Variants in SUMF1 observed in about 807,000 individuals in gnomAD.
SUMF1 encodes sulfatase modifying factor 1.
A neutral mutation model predicts 47.6 loss-of-function variants in SUMF1; 48 were observed. The ratio of observed to expected loss-of-function variants is 1.01; its 90% CI spans 0.80 to 1.28. The LOEUF (loss-of-function observed/expected upper bound fraction) is 1.28, where lower values mean the gene tolerates loss of function less well. Among genes scored for constraint, SUMF1 ranks in the 50% most tolerant of loss-of-function variants. The pLI is 0.00. For synonymous variants in SUMF1, 230 were observed against 192.1 expected (o/e 1.20, Z -1.63); for missense variants, 571 against 485.4 (o/e 1.18, Z -1.66).
rs1553610090 is a variant in SUMF1 at position 4,217,523 on chromosome 3, T to TATATATATTC, written c.1015-148779_1015-148778insGAATATATAT. Among the ~76,000 whole-genome samples, 3 of 48,594 alleles carry TATATATATTC rather than the reference T, an allele frequency of 6.2e-5. 1 individual carries two copies. Among genetic ancestry groups the TATATATATTC allele is most frequent in the African/African-American group, 2.4e-4 (3 of 12,344 alleles). 31.9% of individuals were successfully genotyped at this position (48,594 alleles called of 152,430 possible). A position where few individuals can be genotyped will look rare whatever the true frequency, so the allele number is the denominator to read the frequency against. ...GAACTTAAAGTATTTTTTATATATA[T>TATATATATTC]ATATATATATATATATGAAGAAAAA... On this transcript the variant is annotated intron_variant and NMD_transcript_variant, in intron 8 of 12. Transcript: ENST00000448413.
chr3:4,200,294 A>T (rs926663304), intron 8 of SUMF1, among the ~76,000 whole-genome samples: 4 of 151,422 alleles, frequency 2.6e-5, no homozygotes, highest in African/African-American at 9.7e-5. Flanking sequence ...TGTCTGTTAC[A>T]GTGTTTCCAG....
chr3:4,294,779 C>A (rs140344864), intron 8 of SUMF1, among the ~76,000 whole-genome samples: 166 of 152,044 alleles, frequency 1.1e-3, no homozygotes, highest in African/African-American at 3.8e-3. Context: ...AAAAACATGA[C>A]ATGGAAACAG....
At chr3:4,158,288 TTTCA>T (rs1268724721) in intron 8 of SUMF1, among the ~76,000 whole-genome samples, 2 of 151,706 alleles carry the variant, frequency 1.3e-5, no homozygotes, top group African/African-American at 4.9e-5. Context: ...TCTAGTTTTA[TTTCA>T]TTGTGTTCAG....
chr3:4,277,090 C>T (rs1030228132), intron 8 of SUMF1, among the ~76,000 whole-genome samples: 12 of 152,084 alleles, frequency 7.9e-5, no homozygotes, highest in African/African-American at 2.2e-4. Context: ...GTCTATTATA[C>T]GCGGAACCTG....
At chr3:4,443,229 G>C (rs984642798) in intron 3 of SUMF1, among the ~76,000 whole-genome samples, 7 of 152,036 alleles carry the variant, frequency 4.6e-5, no homozygotes, top group Non-Finnish European at 7.4e-5. Flanking sequence ...AGTGAGCCAA[G>C]ATTGCACACC....
intron 8 of SUMF1, among the ~76,000 whole-genome samples, chr3:4,110,809 C>G (rs1223578990): frequency 7.9e-6 from 1 of 125,906 alleles, no homozygotes; most frequent in Non-Finnish European, 1.5e-5. Flanking sequence ...CACTTGGACA[C>G]AGGAAGGGGA....
At chr3:4,208,615 G>A (rs762949836) in intron 8 of SUMF1, among the ~76,000 whole-genome samples, 2 of 151,950 alleles carry the variant, frequency 1.3e-5, no homozygotes, top group Non-Finnish European at 2.9e-5. Flanking sequence ...GTAACAAGCG[G>A]AGAGACGAAA....
rs1696846136 is a variant in SUMF1, at chr3:4,253,147, C to A, written c.1014+123183G>T. On this transcript the variant is annotated intron_variant and NMD_transcript_variant, in intron 8 of 12. Coordinates refer to the SUMF1 transcript ENST00000448413. ...AGGCTTTTGGGTTATGACACAAGCT[C>A]AGTTTGGTTCACTTTCCATCTCTTG... is the stretch of plus-strand genomic sequence containing the variant. Among the ~76,000 whole-genome samples, 6 of 152,148 alleles carry A rather than the reference C, an allele frequency of 3.9e-5. 1 individual carries two copies. The South Asian group carries it at 1.2e-3, about 32-fold the overall frequency.
intron 3 of SUMF1, among the ~76,000 whole-genome samples, chr3:4,436,188 T>C (rs1349076942): frequency 6.6e-6 from 1 of 152,162 alleles, no homozygotes; most frequent in East Asian, 1.9e-4. Context: ...CAGAACATAG[T>C]CTAGGTTTTT....
rs770050124 is a variant in SUMF1 at position 4,467,054 on chromosome 3, C to G, written c.192G>C (p.Ser64=). Residue 64 remains serine (S), a synonymous_variant, in exon 1 of 9, where the codon TCG becomes TCC. Transcript: ENST00000272902. ...TPQRPGAHGS[S]AAAHRYSREA... is the part of the protein sequence containing the mutation. ...CCCGCGAGTATCGGTGAGCGGCTGC[C>G]GAACTGCCATGGGCGCCAGGCCGCT... 6.6e-5 allele frequency: 104 copies of G among 1,569,332 alleles called. No individual in the cohort carries two copies. The Middle Eastern group carries it at 1.1e-3, about 16-fold the overall frequency.
chr3:4,230,325 T>C (rs1559591350), intron 8 of SUMF1, among the ~76,000 whole-genome samples: 2 of 152,106 alleles, frequency 1.3e-5, no homozygotes, highest in Admixed American at 6.6e-5. Flanking sequence ...ATCATAAGTA[T>C]TGTGCCCACA....
At chr3:4,316,125 TGTG>T (rs896500586) in intron 8 of SUMF1, 3 of 570,178 alleles carry the variant, frequency 5.3e-6, no homozygotes, top group Non-Finnish European at 6.3e-6. Context: ...CATTCTTAAA[TGTG>T]GTCATGTTAT....
intron 8 of SUMF1, among the ~76,000 whole-genome samples, chr3:4,342,370 T>C (rs1454174944): frequency 6.6e-6 from 1 of 152,036 alleles, no homozygotes; most frequent in Non-Finnish European, 1.5e-5. Context: ...CCATCTCTAC[T>C]AAAAATACAA....
intron 8 of SUMF1, among the ~76,000 whole-genome samples, chr3:4,257,794 G>C (rs1037908312): frequency 1.3e-5 from 2 of 152,008 alleles, no homozygotes; most frequent in Non-Finnish European, 2.9e-5. Flanking sequence ...AAAAGAGCCC[G>C]TGTGGCCAAG....
chr3:4,452,744 T>C, intron 2 of SUMF1, 132 bp downstream of exon 2: 1 of 1,108,094 alleles, frequency 9.0e-7, no homozygotes, highest in African/African-American at 1.6e-5. Context: ...ATGAAATATA[T>C]ACAATAAAAT....
chr3:4,400,112 C>T (rs145049733), intron 7 of SUMF1, among the ~76,000 whole-genome samples: 1 of 152,194 alleles, frequency 6.6e-6, no homozygotes, highest in African/African-American at 2.4e-5. Flanking sequence ...CTCAAGCAAC[C>T]GACCCAAACT....
At position 4,249,051 on chromosome 3, in the gene SUMF1, G is replaced by C. The variant is rs144614225; in HGVS notation, c.1014+127279C>G. Reference sequence around the variant, plus strand: ...CTGAGTGGCCTTGCTGGTGTGCCTGGAGCCACTTGGCCCATGAGGCACATG... The same window carrying C: ...CTGAGTGGCCTTGCTGGTGTGCCTGCAGCCACTTGGCCCATGAGGCACATG... On this transcript the variant is annotated intron_variant and NMD_transcript_variant, in intron 8 of 12. Transcript: ENST00000448413. 2.9e-3 allele frequency among the ~76,000 whole-genome samples: 444 copies of C among 152,196 alleles called. 5 individuals carry two copies. Among genetic ancestry groups the C allele is most frequent in the African/African-American group, 0.01 (419 of 41,518 alleles).
chr3:4,296,270 C>A (rs560238394), intron 8 of SUMF1, among the ~76,000 whole-genome samples: 1 of 149,504 alleles, frequency 6.7e-6, no homozygotes, highest in Non-Finnish European at 1.5e-5. Context: ...TGGGAAGGCA[C>A]TCTTTAGTGA....
intron 8 of SUMF1, among the ~76,000 whole-genome samples, chr3:4,300,412 C>A (rs934432802): frequency 2.0e-5 from 3 of 149,982 alleles, no homozygotes; most frequent in Non-Finnish European, 4.4e-5. Context: ...TTCTTTACAG[C>A]AACACAAGAA....
Sources: allele counts gnomAD v4.1 joint callset (sites outside exome capture counted in the v4.1 genomes callset), GRCh38; gene constraint gnomAD v4.1.1; transcripts MANE v1.5; gene names NCBI Gene and HGNC (gene_info 2026-07-23, HGNC 2026-07-21).